The following ABCC3 variants were observed in gnomAD, a reference collection of about 807,000 sequenced individuals.
The protein encoded by ABCC3 is ATP-binding cassette sub-family C member 3.
ABCC3 carries 121 observed loss-of-function variants against 165.3 expected under a neutral mutation model. The observed-to-expected ratio is 0.73, with a 90% confidence interval of 0.63 to 0.85. ABCC3 has a LOEUF of 0.85. Ranked by LOEUF, ABCC3 falls within the 40% of genes least tolerant of loss-of-function variation. ABCC3 has a pLI of 0.00. For synonymous variants in ABCC3, 733 were observed against 810.1 expected, an observed-to-expected ratio of 0.90 and a Z score of 1.62; for missense variants, 1,869 against 1,964.1, an observed-to-expected ratio of 0.95 and a Z score of 0.92.
chr17:50,678,746 C>A (rs1967877035), intron 25 of ABCC3, among the ~76,000 whole-genome samples: 1 of 152,168 alleles, frequency 6.6e-6, no homozygotes, highest in South Asian at 2.1e-4. Context: ...CATGGTGAAA[C>A]CCTATCTCTA....
At position 50,669,429 on chromosome 17, in the gene ABCC3, C is replaced by T. The variant is rs923547307; in HGVS notation, c.2142C>T (p.Ala714=). 8 of 1,614,114 alleles carry T rather than the reference C, an allele frequency of 5.0e-6. No individual in the cohort carries two copies. The African/African-American group carries it at 1.1e-4, about 22-fold the overall frequency. Residue 714 remains alanine (A), a synonymous_variant, in exon 17 of 31, where the codon GCC becomes GCT. Transcript: ENST00000285238. ...AGGAAAACGTGCTTTTCGGCAAAGC[C>T]CTGAACCCCAAGCGCTACCAGCAGA... ...TLQENVLFGK[A]LNPKRYQQTL... is the part of the protein sequence containing the mutation.
At chr17:50,660,290 A>G (rs1289129159) in intron 7 of ABCC3, among the ~76,000 whole-genome samples, 1 of 152,162 alleles carries the variant, frequency 6.6e-6, no homozygotes, top group African/African-American at 2.4e-5. Flanking sequence ...TCTCTGGCCA[A>G]CTGCCTCACC....
chr17:50,667,165 G>A (rs1373498750), intron 11 of ABCC3, among the ~76,000 whole-genome samples: 2 of 152,122 alleles, frequency 1.3e-5, no homozygotes, highest in Non-Finnish European at 2.9e-5. Flanking sequence ...AGGCTGCAGT[G>A]AGCTATGATT....
intron 17 of ABCC3, among the ~76,000 whole-genome samples, chr17:50,670,746 G>A (rs1967630477): frequency 1.3e-5 from 2 of 152,168 alleles, no homozygotes; most frequent in African/African-American, 2.4e-5. Flanking sequence ...GCCTTGTCTG[G>A]AGCCAGAAAG....
chr17:50,676,579 CT>C lies in ABCC3; in HGVS notation c.3371del (p.Leu1124Ter). 6.6e-7 allele frequency: 1 copy of C among 1,508,060 alleles called. No homozygotes were observed. The highest frequency in any genetic ancestry group is 9.0e-7 in the Non-Finnish European group (1 of 1,114,546). 93.4% of individuals were successfully genotyped at this position (1,508,060 alleles called of 1,614,324 possible). On this transcript the variant is annotated frameshift_variant, in exon 23 of 31. Transcript: ENST00000285238. LOFTEE classifies it high-confidence loss of function. ...TCCTGCCCCTGGCTGTGCTCTACACCTTAGTGCAGGTGTGGGGTGGGCGTGA... is the reference window on the plus strand; with the variant it reads ...TCCTGCCCCTGGCTGTGCTCTACACCTAGTGCAGGTGTGGGGTGGGCGTGA... ...VILPLAVLYT[L>X]VQRFYAATSR... is the part of the protein sequence containing the mutation.
intron 1 of ABCC3, among the ~76,000 whole-genome samples, chr17:50,650,253 C>A (rs904810618): frequency 5.3e-5 from 8 of 152,100 alleles, no homozygotes; most frequent in African/African-American, 1.9e-4. Context: ...TTACAGGCGC[C>A]TGCCACCACA....
At chr17:50,684,138 AC>A in intron 28 of ABCC3, 31 bp downstream of exon 28, 2 of 1,605,532 alleles carry the variant, frequency 1.2e-6, no homozygotes, top group African/African-American at 2.7e-5. Flanking sequence ...GGCCACACTC[AC>A]CAACGGCCCT....
intron 22 of ABCC3, 84 bp from the exon 23 acceptor site, chr17:50,676,194 C>G (rs1967802105): frequency 6.3e-7 from 1 of 1,587,726 alleles, no homozygotes; most frequent in Non-Finnish European, 8.6e-7. Context: ...CTAACCCACT[C>G]TGGTCAACCC....
Position 50,656,675 on chromosome 17 carries a change from G to C in ABCC3, c.223-27G>C, listed in dbSNP as rs1033829766. 6 of 1,596,598 alleles carry C rather than the reference G, an allele frequency of 3.8e-6. No homozygotes were observed. The African/African-American group carries it at 5.4e-5, about 14-fold the overall frequency. ...GGACTGTCCTTGCCTCTGGGGATGC[G>C]GATTCCAACCTGTGCTCTCTTCGCA... On this transcript the variant is annotated intron_variant, in intron 2 of 30. Transcript: ENST00000285238.
At chr17:50,670,285 G>A (rs1401213665) in intron 17 of ABCC3, among the ~76,000 whole-genome samples, 3 of 151,820 alleles carry the variant, frequency 2.0e-5, no homozygotes, top group African/African-American at 7.3e-5. Context: ...GTTTTGCCAT[G>A]TTGGCCCATC....
intron 27 of ABCC3, 49 bp from the exon 28 acceptor site, chr17:50,683,900 C>T (rs773295367): frequency 1.3e-5 from 21 of 1,599,574 alleles, no homozygotes; most frequent in African/African-American, 1.1e-4. Context: ...GGAGATGCGC[C>T]TTTGACCTCT....
Position 50,673,667 on chromosome 17 carries a change from C to A in ABCC3, c.2599+9C>A. On this transcript the variant is annotated intron_variant, in intron 19 of 30. Coordinates refer to ENST00000285238, the MANE Select transcript of ABCC3 (RefSeq NM_003786.4). Reference sequence around the variant, plus strand: ...GGAGGACAGCTGGACCGGTATCTGCCATCCTGGGCCCTCTGATTCCCATGC... The same window carrying A: ...GGAGGACAGCTGGACCGGTATCTGCAATCCTGGGCCCTCTGATTCCCATGC... 1 of 1,613,512 alleles carries A rather than the reference C, an allele frequency of 6.2e-7. No homozygotes were observed. The highest frequency in any genetic ancestry group is 8.5e-7 in the Non-Finnish European group (1 of 1,179,622).
chr17:50,648,629 A>G (rs1030305849), intron 1 of ABCC3, among the ~76,000 whole-genome samples: 5 of 152,122 alleles, frequency 3.3e-5, no homozygotes, highest in African/African-American at 4.8e-5. Flanking sequence ...CCAACAGCCA[A>G]TAAGCTTGGT....
Position 50,687,571 on chromosome 17 carries a change from C to A in ABCC3, c.4316C>A (p.Ala1439Asp), listed in dbSNP as rs1817253755. 1 of 1,614,002 alleles carries A rather than the reference C, an allele frequency of 6.2e-7. No homozygotes were observed. The part of the protein sequence containing the change: ...GQRQLVCLAR[A>D]LLRKSRILVL... ...AGGCAGCTCGTGTGCCTGGCCCGAG[C>A]CCTGCTCCGCAAGAGCCGCATCCTG... The change falls in exon 30 of 31, where the codon GCC becomes GAC. Residue 1439 changes from alanine to aspartate, a missense_variant. Ala to Asp is a moderately radical substitution (Grantham distance 126, BLOSUM62 -2). Transcript: ENST00000285238.
Position 50,681,012 on chromosome 17 carries a change from G to T in ABCC3, c.3807+1113G>T, listed in dbSNP as rs370773297. ...AATCGCTTGAACCCAGGCGGTGGAG[G>T]TTGCAGTGAGCCGAGATTGCGCCAC... On this transcript the variant is annotated intron_variant, in intron 26 of 30. Coordinates refer to ENST00000285238, the MANE Select transcript of ABCC3 (RefSeq NM_003786.4). Among the ~76,000 whole-genome samples the T allele has an allele frequency of 1.1e-3, 164 of 152,010 alleles. 1 individual carries two copies. The highest frequency in any genetic ancestry group is 3.8e-3 in the African/African-American group (157 of 41,438).
At chr17:50,652,237 C>T (rs1259167156) in intron 1 of ABCC3, among the ~76,000 whole-genome samples, 14 of 152,214 alleles carry the variant, frequency 9.2e-5, no homozygotes, top group Admixed American at 8.5e-4. Flanking sequence ...ACAGATCTTA[C>T]AGCTTTCATT....
In ABCC3 at chr17:50,667,720, C is replaced by G. The variant is rs1967554655; in HGVS notation, c.1598C>G (p.Thr533Ser). The stretch of plus-strand genomic sequence containing the variant: ...CTGCGCACGGCGGCCTACCTCCACA[C>G]CACAACCACCTTCACCTGGATGTGC... ...QLLRTAAYLH[T>S]TTTFTWMCSP... The change falls in exon 12 of 31, where the codon ACC becomes AGC. Residue 533 changes from threonine (T) to serine (S), a missense_variant. Coordinates refer to ENST00000285238, the MANE Select transcript of ABCC3 (RefSeq NM_003786.4). 6.2e-7 allele frequency: 1 copy of G among 1,613,988 alleles called. No individual in the cohort carries two copies. Among genetic ancestry groups the G allele is most frequent in the Non-Finnish European group, 8.5e-7 (1 of 1,180,048 alleles).
At chr17:50,687,157 G>T (rs1227793527) in intron 29 of ABCC3, among the ~76,000 whole-genome samples, 2 of 152,164 alleles carry the variant, frequency 1.3e-5, no homozygotes, top group Non-Finnish European at 2.9e-5. Context: ...TGGCCTATTT[G>T]CAAATATCCA....
chr17:50,673,344 C>A, intron 18 of ABCC3, 125 bp from the exon 19 acceptor site: 2 of 1,312,346 alleles, frequency 1.5e-6, no homozygotes, highest in South Asian at 2.8e-5. Flanking sequence ...CAGGGTGAGT[C>A]ACCCATGTGC....
Sources: gnomAD v4.1 joint callset for allele counts (sites outside exome capture counted in the v4.1 genomes callset) on GRCh38, gnomAD v4.1.1 for gene constraint, MANE v1.5 for transcripts, NCBI Gene and HGNC (gene_info 2026-07-23, HGNC 2026-07-21) for gene names.